Variants in PCDHA2 observed in about 807,000 individuals in gnomAD.
The protein encoded by PCDHA2 is protocadherin alpha-2.
Under a neutral mutation model 66.0 loss-of-function variants are expected in PCDHA2, and 58 were observed. The observed-to-expected ratio is 0.88, with a 90% CI of 0.71 to 1.09. The LOEUF (loss-of-function observed/expected upper bound fraction) is 1.09. PCDHA2 is among the 50% of genes least tolerant of loss of function. PCDHA2 has a pLI of 0.00. For missense variants in PCDHA2, 1,267 were observed against 1,242.3 expected (o/e 1.02, Z -0.30); for synonymous variants, 634 against 554.0 (o/e 1.14, Z -2.03).
chr5:140,905,154 A>C (rs2071632233), intron 1 of PCDHA2, among the ~76,000 whole-genome samples: 1 of 152,040 alleles, frequency 6.6e-6, no homozygotes, highest in Admixed American at 6.6e-5. Context: ...ATATTTTAGA[A>C]TTTTCATGGT....
At chr5:140,909,624 G>A (rs2074611325) in intron 1 of PCDHA2, among the ~76,000 whole-genome samples, 1 of 152,092 alleles carries the variant, frequency 6.6e-6, no homozygotes, top group African/African-American at 2.4e-5. Context: ...GCTCTAATTG[G>A]TCTTCCTATT....
chr5:140,884,113 G>A, intron 1 of PCDHA2: 2 of 1,613,388 alleles, frequency 1.2e-6, no homozygotes, highest in Non-Finnish European at 1.7e-6. Context: ...AGCTGGCGGC[G>A]GTCGGCGCGC....
intron 1 of PCDHA2, chr5:140,857,579 G>A (rs782552455): frequency 3.1e-6 from 5 of 1,596,586 alleles, no homozygotes; most frequent in East Asian, 2.2e-5. Flanking sequence ...GTCGGTGCAC[G>A]CGGAGAGCGG....
intron 1 of PCDHA2, among the ~76,000 whole-genome samples, chr5:140,885,025 T>A (rs2060432297): frequency 6.6e-6 from 1 of 152,228 alleles, no homozygotes; most frequent in Non-Finnish European, 1.5e-5. Context: ...ATCTTAAATT[T>A]AAAAAATTTT....
intron 1 of PCDHA2, among the ~76,000 whole-genome samples, chr5:140,887,955 C>A (rs568878730): frequency 4.4e-4 from 67 of 152,206 alleles, no homozygotes; most frequent in African/African-American, 1.6e-3. Flanking sequence ...GTATAAGATT[C>A]TTTTTGTCTC....
At chr5:140,821,828 T>G in intron 1 of PCDHA2, 1 of 1,614,176 alleles carries the variant, frequency 6.2e-7, no homozygotes, top group East Asian at 2.2e-5. Context: ...CTGCTCTGGC[T>G]TCTCCTTGCC....
rs371830340 is a variant in PCDHA2 at position 140,947,864 on chromosome 5, C to G, written c.2389-31085C>G. Reference sequence around the variant, plus strand: ...TTTATTTATTTTGTCATTATAATGGCTAGGACTTCCAGGACAATATAAACA... The same window carrying G: ...TTTATTTATTTTGTCATTATAATGGGTAGGACTTCCAGGACAATATAAACA... On this transcript the variant is annotated intron_variant, in intron 1 of 3. Coordinates refer to ENST00000526136, the MANE Select transcript of PCDHA2 (RefSeq NM_018905.3). Among the ~76,000 whole-genome samples the G allele has an allele frequency of 1.4e-4, 21 of 151,554 alleles. No homozygotes were observed. The East Asian group carries it at 2.3e-3, about 17-fold the overall frequency.
Position 140,803,532 on chromosome 5 carries a change from T to G in PCDHA2, c.2388+6180T>G, listed in dbSNP as rs1562194851. Reference sequence around the variant, plus strand: ...GGCTTTTAGCCCTAGCCTTCCTCCTTGTCCAATTAGCCGGGATAGAGAGGA... The same window carrying G: ...GGCTTTTAGCCCTAGCCTTCCTCCTGGTCCAATTAGCCGGGATAGAGAGGA... On this transcript the variant is annotated intron_variant, in intron 1 of 3. Coordinates refer to ENST00000526136, the MANE Select transcript of PCDHA2 (RefSeq NM_018905.3). The G allele has an allele frequency of 2.5e-6, 4 of 1,614,232 alleles. No homozygotes were observed. The Admixed American group carries it at 5.0e-5, about 20-fold the overall frequency.
At chr5:140,973,004 G>A (rs1183511655) in intron 1 of PCDHA2, among the ~76,000 whole-genome samples, 4 of 152,096 alleles carry the variant, frequency 2.6e-5, no homozygotes, top group African/African-American at 9.7e-5. Flanking sequence ...ATTTGTGGTC[G>A]TGGTGTTGTG....
chr5:140,886,006 G>C (rs2060811194), intron 1 of PCDHA2, among the ~76,000 whole-genome samples: 2 of 152,088 alleles, frequency 1.3e-5, no homozygotes, highest in Non-Finnish European at 2.9e-5. Context: ...AAATAGTAAA[G>C]GGAGATGCTA....
At chr5:140,906,248 T>C (rs143429198) in intron 1 of PCDHA2, among the ~76,000 whole-genome samples, 45 of 152,272 alleles carry the variant, frequency 3.0e-4, no homozygotes, top group African/African-American at 1.1e-3. Context: ...CTTGAACCCA[T>C]ACACACCTCC....
chr5:141,007,377 A>C (rs13186204), intron 3 of PCDHA2, among the ~76,000 whole-genome samples: 7,611 of 136,554 alleles, frequency 0.056, 239 homozygotes, highest in South Asian at 0.11. Flanking sequence ...ATGATGGAAC[A>C]CCATCTCTAC....
At chr5:140,857,602 G>A in intron 1 of PCDHA2, 2 of 1,596,382 alleles carry the variant, frequency 1.3e-6, no homozygotes, top group Non-Finnish European at 8.6e-7. Context: ...AGGTGTACGC[G>A]CTGCAGCCGC....
intron 1 of PCDHA2, chr5:140,807,084 G>A: frequency 7.7e-7 from 1 of 1,306,526 alleles, no homozygotes; most frequent in Non-Finnish European, 1.1e-6. Context: ...ACTCTTTGGA[G>A]TCTGAAATAT....
intron 3 of PCDHA2, among the ~76,000 whole-genome samples, chr5:140,982,908 C>A (rs1554244948): frequency 2.0e-5 from 3 of 151,668 alleles, no homozygotes; most frequent in Non-Finnish European, 2.9e-5. Flanking sequence ...GCCTTATGCA[C>A]AGAGATGACA....
Position 140,797,490 on chromosome 5 carries a change from G to A in PCDHA2, c.2388+138G>A, listed in dbSNP as rs116776862. 3.8e-3 allele frequency: 3,837 copies of A among 999,078 alleles called. 99 individuals carry two copies. The African/African-American group carries it at 0.054, about 14-fold the overall frequency. The allele number at this position is 999,078 out of a possible 1,614,324, so 61.9% of individuals were successfully genotyped here. A position where few individuals can be genotyped will look rare whatever the true frequency, so the allele number is the denominator to read the frequency against. Reference sequence around the variant, plus strand: ...ACCGTGCGATTTTGAATATGAATTAGAGATCAATTTATTGCATTTACTGAA... The same window carrying A: ...ACCGTGCGATTTTGAATATGAATTAAAGATCAATTTATTGCATTTACTGAA... On this transcript the variant is annotated intron_variant, in intron 1 of 3. Transcript: ENST00000526136.
In PCDHA2 at chr5:140,796,905, AC is replaced by A. The variant is rs1762156200; in HGVS notation, c.1942del (p.Leu648SerfsTer4). On this transcript the variant is annotated frameshift_variant, in exon 1 of 4. Coordinates refer to ENST00000526136, the MANE Select transcript of PCDHA2 (RefSeq NM_018905.3). LOFTEE classifies it high-confidence loss of function. ...AGGCTGACTCCCCTCGACACCGCCTACTCGTGCTGGTGAAGGACCACGGCGA... is the reference window on the plus strand; with the variant it reads ...AGGCTGACTCCCCTCGACACCGCCTATCGTGCTGGTGAAGGACCACGGCGA... ...DEADSPRHRL[L>X]VLVKDHGEPA... 3 of 1,613,752 alleles carry A rather than the reference AC, an allele frequency of 1.9e-6. No individual in the cohort carries two copies. The African/African-American group carries it at 4.0e-5, about 22-fold the overall frequency.
At chr5:140,843,202 C>A in intron 1 of PCDHA2, 1 of 1,596,044 alleles carries the variant, frequency 6.3e-7, no homozygotes, top group Non-Finnish European at 8.6e-7. Flanking sequence ...TGGGGCTGTA[C>A]ACGGGCGAGA....
intron 1 of PCDHA2, chr5:140,857,005 A>C: frequency 6.3e-7 from 1 of 1,595,528 alleles, no homozygotes; most frequent in East Asian, 2.2e-5. Context: ...AAATTCATGT[A>C]GATGTTACAG....
Sources: allele counts gnomAD v4.1 joint callset (sites outside exome capture counted in the v4.1 genomes callset), GRCh38; gene constraint gnomAD v4.1.1; transcripts MANE v1.5; gene names NCBI Gene and HGNC (gene_info 2026-07-23, HGNC 2026-07-21).